ANO4: variants seen among roughly 807,000 people sequenced by gnomAD.
The protein encoded by ANO4 is anoctamin-4.
A neutral mutation model predicts 141.9 loss-of-function variants in ANO4; 69 were observed. The observed-to-expected ratio is 0.49, with a 90% confidence interval of 0.40 to 0.59. The LOEUF (loss-of-function observed/expected upper bound fraction) is 0.59, where lower values mean the gene tolerates loss of function less well. Ranked by LOEUF, ANO4 falls within the 20% of genes least tolerant of loss-of-function variation. The probability of loss-of-function intolerance (pLI) is 0.00; values close to 1 mark genes in which losing one functional copy is unlikely to be tolerated. For missense variants in ANO4, 894 were observed against 1,162.2 expected (o/e 0.77, Z 3.36); for synonymous variants, 350 against 394.3 (o/e 0.89, Z 1.33).
intron 14 of ANO4, among the ~76,000 whole-genome samples, chr12:101,054,308 A>C (rs2048006173): frequency 6.6e-6 from 1 of 152,222 alleles, no homozygotes; most frequent in African/African-American, 2.4e-5. Context: ...AATGTAAATG[A>C]AAACAGAAAG....
At chr12:100,966,113 C>T (rs577772570) in intron 5 of ANO4, among the ~76,000 whole-genome samples, 23 of 152,284 alleles carry the variant, frequency 1.5e-4, no homozygotes, top group African/African-American at 5.3e-4. Context: ...TCATCAAAGA[C>T]TGATAAATCC....
intron 1 of ANO4, among the ~76,000 whole-genome samples, chr12:100,858,537 T>TGG (rs1291995280): frequency 6.6e-6 from 1 of 152,132 alleles, no homozygotes; most frequent in Non-Finnish European, 1.5e-5. Context: ...CTTAGAAACT[T>TGG]TAAGTTCCCT....
chr12:100,861,375 C>T (rs1466680631), intron 1 of ANO4, among the ~76,000 whole-genome samples: 2 of 152,128 alleles, frequency 1.3e-5, no homozygotes, highest in Admixed American at 6.5e-5. Context: ...CAAACCTGTA[C>T]AGCATGTTAC....
At chr12:101,085,503 G>T (rs1358474946) in intron 16 of ANO4, among the ~76,000 whole-genome samples, 2 of 152,108 alleles carry the variant, frequency 1.3e-5, no homozygotes, top group Admixed American at 1.3e-4. Context: ...ATCTAGAGAT[G>T]ATTTAAAGTA....
intron 3 of ANO4, among the ~76,000 whole-genome samples, chr12:100,936,698 A>T (rs935024637): frequency 6.6e-6 from 1 of 152,156 alleles, no homozygotes; most frequent in African/African-American, 2.4e-5. Context: ...TCCAACTTGT[A>T]AATATCTCTT....
chr12:101,089,032 C>T (rs2049630494), intron 17 of ANO4, among the ~76,000 whole-genome samples: 2 of 152,102 alleles, frequency 1.3e-5, no homozygotes, highest in African/African-American at 4.8e-5. Flanking sequence ...TATACTGCGT[C>T]TTAAATCTGG....
chr12:100,777,704 C>A (rs2033572075), intron 3 of ANO4, among the ~76,000 whole-genome samples: 1 of 151,950 alleles, frequency 6.6e-6, no homozygotes, highest in African/African-American at 2.4e-5. Flanking sequence ...TAAATTTAAT[C>A]TTCATCTTTC....
chr12:100,928,806 G>A (rs1268609218), intron 3 of ANO4, among the ~76,000 whole-genome samples: 1 of 152,060 alleles, frequency 6.6e-6, no homozygotes, highest in Non-Finnish European at 1.5e-5. Context: ...TTACAATGAA[G>A]TAGTAGTAAG....
chr12:101,125,326 G>T (rs1444605894), intron 26 of ANO4, among the ~76,000 whole-genome samples: 3 of 152,152 alleles, frequency 2.0e-5, no homozygotes. Flanking sequence ...TGTATCCTGA[G>T]ACTCTGCTGA....
Position 101,111,443 on chromosome 12 carries a change from A to G in ANO4, c.2303-120A>G, listed in dbSNP as rs1177415101. 7 of 913,886 alleles carry G rather than the reference A, an allele frequency of 7.7e-6. No homozygotes were observed. The East Asian group carries it at 2.1e-4, about 27-fold the overall frequency. 56.6% of individuals were successfully genotyped at this position (913,886 alleles called of 1,614,324 possible). ...ATCTTTCCTCCTGGTTGCAACTGTC[A>G]GTATTTGGAAAGATGAAGAAAGGAC... is the stretch of plus-strand genomic sequence containing the variant. On this transcript the variant is annotated intron_variant, in intron 23 of 27. Coordinates refer to ENST00000392977, the MANE Select transcript of ANO4 (RefSeq NM_001286615.2).
At chr12:100,742,314 G>T (rs1283185086) in intron 3 of ANO4, among the ~76,000 whole-genome samples, 2 of 151,996 alleles carry the variant, frequency 1.3e-5, no homozygotes, top group Non-Finnish European at 2.9e-5. Context: ...ATTTTAATAT[G>T]TATTTTTGTG....
intron 14 of ANO4, among the ~76,000 whole-genome samples, chr12:101,072,899 A>G (rs1440954658): frequency 6.6e-6 from 1 of 152,246 alleles, no homozygotes; most frequent in African/African-American, 2.4e-5. Context: ...ATCTTGCACC[A>G]GTTAGAATGG....
chr12:100,747,087 T>C (rs1026287424), intron 3 of ANO4, among the ~76,000 whole-genome samples: 1 of 152,150 alleles, frequency 6.6e-6, no homozygotes, highest in African/African-American at 2.4e-5. Flanking sequence ...TTGTGATATC[T>C]GAAAAAAGTT....
At chr12:100,864,617 C>T (rs1198447744) in intron 1 of ANO4, among the ~76,000 whole-genome samples, 2 of 152,122 alleles carry the variant, frequency 1.3e-5, no homozygotes, top group Non-Finnish European at 2.9e-5. Flanking sequence ...TCATCATAAG[C>T]CCTGCTTTTG....
At chr12:100,767,852 TTA>T (rs1394351773) in intron 3 of ANO4, among the ~76,000 whole-genome samples, 7 of 152,178 alleles carry the variant, frequency 4.6e-5, no homozygotes, top group Admixed American at 4.6e-4. Flanking sequence ...TACAAAAACT[TTA>T]CACTTTCCCC....
chr12:101,042,604 A>T (rs1489402075), intron 12 of ANO4, 136 bp downstream of exon 12: 1 of 1,238,732 alleles, frequency 8.1e-7, no homozygotes, highest in Admixed American at 2.3e-5. Context: ...AAAAACTCAA[A>T]GTTTCAGTTC....
chr12:100,784,104 G>A lies in ANO4; in HGVS notation c.358+43999G>A, dbSNP rs922469959. 4.6e-5 allele frequency among the ~76,000 whole-genome samples: 7 copies of A among 152,170 alleles called. No homozygotes were observed. In the East Asian group the frequency reaches 7.8e-4, roughly 17 times the overall value. On this transcript the variant is annotated intron_variant, in intron 3 of 29. Transcript: ENST00000644049. ...TATTTTGCTTAACCCCTTGTCTTCC[G>A]CCATCTGTTTCTGTCACTAGCAGTT... is the stretch of plus-strand genomic sequence containing the variant.
At chr12:100,980,522 G>A (rs963972704) in intron 7 of ANO4, among the ~76,000 whole-genome samples, 3 of 152,136 alleles carry the variant, frequency 2.0e-5, no homozygotes, top group Admixed American at 6.5e-5. Context: ...TAAAATTCCC[G>A]TCGTATGAAA....
At chr12:100,916,757 G>A (rs1037016658) in intron 2 of ANO4, among the ~76,000 whole-genome samples, 1 of 152,178 alleles carries the variant, frequency 6.6e-6, no homozygotes, top group African/African-American at 2.4e-5. Context: ...TCCTGAAGCA[G>A]AGAATTCTAG....
Sources: allele counts gnomAD v4.1 joint callset (sites outside exome capture counted in the v4.1 genomes callset), GRCh38; gene constraint gnomAD v4.1.1; transcripts MANE v1.5; gene names NCBI Gene and HGNC (gene_info 2026-07-23, HGNC 2026-07-21).